Variants in DOCK7 observed in about 807,000 individuals in gnomAD.
The protein encoded by DOCK7 is dedicator of cytokinesis protein 7.
In DOCK7, 138 loss-of-function variants were observed where a neutral mutation model predicts 271.0. That is an observed-to-expected ratio of 0.51 (90% CI 0.44 to 0.59). The LOEUF is 0.59. Among genes scored for constraint, DOCK7 ranks in the 20% least tolerant of loss-of-function variants. The pLI is 0.00. For synonymous variants in DOCK7, 823 were observed against 876.1 expected (o/e 0.94, Z 1.07); for missense variants, 2,066 against 2,592.4 (o/e 0.80, Z 4.41).
At position 62,620,839 on chromosome 1, in the gene DOCK7, G is replaced by A. The variant is rs1351813591; in HGVS notation, c.1426-846C>T. Among the ~76,000 whole-genome samples the A allele has an allele frequency of 4.5e-5, 6 of 131,942 alleles. No individual in the cohort carries two copies. The East Asian group carries it at 1.1e-3, about 24-fold the overall frequency. 86.6% of individuals were successfully genotyped at this position (131,942 alleles called of 152,430 possible). On this transcript the variant is annotated intron_variant, in intron 12 of 49. Transcript: ENST00000635253. ...GCGGAGCTTGCAGTGAGCTGAGTTC[G>A]CACCACTGCACTCCAGCCTGGATGA...
intron 33 of DOCK7, 57 bp from the exon 34 acceptor site, chr1:62,510,730 A>C: frequency 7.7e-7 from 1 of 1,307,038 alleles, no homozygotes; most frequent in South Asian, 1.2e-5. Context: ...GACCACATAT[A>C]TGTATACTTG....
chr1:62,652,216 G>GCACTA (rs1657470211), intron 4 of DOCK7, among the ~76,000 whole-genome samples: 1 of 152,140 alleles, frequency 6.6e-6, no homozygotes, highest in South Asian at 2.1e-4. Context: ...TGAGCTTAAA[G>GCACTA]CACTACTGAA....
chr1:62,650,314 T>C lies in DOCK7; in HGVS notation c.390-1770A>G, dbSNP rs180843280. Among the ~76,000 whole-genome samples the C allele has an allele frequency of 4.0e-3, 615 of 152,280 alleles. 7 individuals carry two copies. The highest frequency in any genetic ancestry group is 0.013 in the African/African-American group (561 of 41,566). On this transcript the variant is annotated intron_variant, in intron 4 of 49. Coordinates refer to ENST00000635253, the MANE Select transcript of DOCK7 (RefSeq NM_001367561.1). ...ACTGCTGTATCATCAGTCTTTAGTA[T>C]AGTGCCTGGTACATATAAGACTCTC...
At chr1:62,519,791 A>G (rs565293330) in intron 31 of DOCK7, among the ~76,000 whole-genome samples, 1 of 152,330 alleles carries the variant, frequency 6.6e-6, no homozygotes, top group South Asian at 2.1e-4. Flanking sequence ...AAATGCCTGT[A>G]TAGCCAAGAC....
chr1:62,457,099 T>A (rs2149218494), intron 49 of DOCK7, among the ~76,000 whole-genome samples: 1 of 152,250 alleles, frequency 6.6e-6, no homozygotes, highest in East Asian at 1.9e-4. Flanking sequence ...AGAGGAGAAA[T>A]CTAAAAAAAT....
intron 12 of DOCK7, among the ~76,000 whole-genome samples, chr1:62,622,784 G>C (rs1653439204): frequency 6.6e-6 from 1 of 151,998 alleles, no homozygotes; most frequent in Non-Finnish European, 1.5e-5. Context: ...CAAAAAATTA[G>C]CCAGGCATGG....
At position 62,582,375 on chromosome 1, in the gene DOCK7, C is replaced by T. The variant is rs534843163; in HGVS notation, c.1871+809G>A. On this transcript the variant is annotated intron_variant, in intron 16 of 49. Transcript: ENST00000635253. ...ACCATCCCGGCTAAAACGGTGAAAA[C>T]CCGTCTCTACTAAAAATACAAAAAA... 3.1e-3 allele frequency among the ~76,000 whole-genome samples: 472 copies of T among 150,136 alleles called. 4 individuals are homozygous for T. The highest frequency in any genetic ancestry group is 0.011 in the African/African-American group (458 of 40,744).
In DOCK7 at chr1:62,524,861, G is replaced by C. The variant is rs185277660; in HGVS notation, c.3936+3290C>G. On this transcript the variant is annotated intron_variant, in intron 31 of 49. Transcript: ENST00000635253. ...TGCAGTGAGCCAAGATCGTGCCACT[G>C]CACTCCAGCCTACCTGGGCTACAGT... Among the ~76,000 whole-genome samples the C allele has an allele frequency of 5.7e-3, 835 of 146,868 alleles. 9 individuals are homozygous for C. The highest frequency in any genetic ancestry group is 0.02 in the African/African-American group (800 of 39,162).
intron 1 of DOCK7, among the ~76,000 whole-genome samples, chr1:62,671,615 A>C (rs1399567207): frequency 6.6e-6 from 1 of 152,218 alleles, no homozygotes; most frequent in African/African-American, 2.4e-5. Flanking sequence ...GTTGGTTTCT[A>C]ACTGATTAAA....
chr1:62,653,830 G>C (rs762532887), intron 3 of DOCK7, 37 bp from the exon 4 acceptor site: 2 of 1,472,218 alleles, frequency 1.4e-6, no homozygotes, highest in African/African-American at 1.4e-5. Flanking sequence ...TAATTTAGAC[G>C]GGACAGCACT....
intron 43 of DOCK7, chr1:62,481,573 A>G (rs1468096883): frequency 6.6e-6 from 1 of 152,094 alleles, no homozygotes; most frequent in Non-Finnish European, 1.5e-5. Context: ...AAACTTTCCT[A>G]TAAATTAGGC....
At chr1:62,485,537 A>T in intron 43 of DOCK7, 2 of 985,440 alleles carry the variant, frequency 2.0e-6, no homozygotes, top group South Asian at 9.4e-5. Context: ...CTGGACTTCA[A>T]TCCAGTGAAA....
chr1:62,586,651 G>A, intron 14 of DOCK7, 27 bp from the exon 15 acceptor site: 1 of 1,379,202 alleles, frequency 7.3e-7, no homozygotes, highest in Non-Finnish European at 1.0e-6. Context: ...ATAGATGATA[G>A]TAAATACATA....
At chr1:62,604,867 G>A (rs758956598) in intron 14 of DOCK7, 9 of 679,818 alleles carry the variant, frequency 1.3e-5, no homozygotes, top group Non-Finnish European at 1.8e-5. Flanking sequence ...CTCATTCCAA[G>A]TTAATGTGGT....
At chr1:62,646,373 A>G (rs1339752841) in intron 7 of DOCK7, among the ~76,000 whole-genome samples, 1 of 152,116 alleles carries the variant, frequency 6.6e-6, no homozygotes, top group Non-Finnish European at 1.5e-5. Flanking sequence ...ACTAACAGGT[A>G]TTGTTATGGT....
chr1:62,670,674 G>C (rs1297312581), intron 1 of DOCK7, among the ~76,000 whole-genome samples: 2 of 152,088 alleles, frequency 1.3e-5, no homozygotes, highest in Non-Finnish European at 2.9e-5. Context: ...TGGAAACTCT[G>C]TATCTAACTA....
intron 22 of DOCK7, among the ~76,000 whole-genome samples, chr1:62,550,434 G>C (rs1010363765): frequency 1.3e-5 from 2 of 152,180 alleles, no homozygotes; most frequent in Non-Finnish European, 2.9e-5. Flanking sequence ...ATGAGAAAAG[G>C]AATGAGGGGA....
chr1:62,679,915 A>C (rs1340258980), intron 1 of DOCK7, among the ~76,000 whole-genome samples: 1 of 152,244 alleles, frequency 6.6e-6, no homozygotes, highest in Non-Finnish European at 1.5e-5. Context: ...AGAATATTCC[A>C]TGCTCATGGA....
chr1:62,580,853 G>T (rs1464979913), intron 16 of DOCK7, among the ~76,000 whole-genome samples: 1 of 152,164 alleles, frequency 6.6e-6, no homozygotes, highest in Admixed American at 6.5e-5. Context: ...ATTTTTAAAT[G>T]ATTGGGGGTA....
Sources: gnomAD v4.1 joint callset for allele counts (sites outside exome capture counted in the v4.1 genomes callset) on GRCh38, gnomAD v4.1.1 for gene constraint, MANE v1.5 for transcripts, NCBI Gene and HGNC (gene_info 2026-07-23, HGNC 2026-07-21) for gene names.